SLC4A4: variants seen among roughly 807,000 people sequenced by gnomAD.
SLC4A4 encodes solute carrier family 4 member 4.
Under a neutral mutation model 111.5 loss-of-function variants are expected in SLC4A4, and 27 were observed. The observed-to-expected ratio is 0.24, with a 90% CI of 0.18 to 0.33. SLC4A4 has a LOEUF of 0.33. Among genes scored for constraint, SLC4A4 ranks in the 10% least tolerant of loss-of-function variants. The pLI is 1.00. For synonymous variants in SLC4A4, 443 were observed against 463.4 expected (o/e 0.96, Z 0.57); for missense variants, 909 against 1,315.5 (o/e 0.69, Z 4.78).
At chr4:71,476,539 A>T (rs552535915) in intron 14 of SLC4A4, among the ~76,000 whole-genome samples, 33 of 151,732 alleles carry the variant, frequency 2.2e-4, no homozygotes, top group Non-Finnish European at 4.4e-4. Flanking sequence ...AATAGGGGCC[A>T]CTAATTACTA....
intron 1 of SLC4A4, among the ~76,000 whole-genome samples, chr4:71,206,642 G>A (rs1239528043): frequency 2.0e-5 from 3 of 152,204 alleles, no homozygotes; most frequent in Admixed American, 6.5e-5. Flanking sequence ...CTTGACAAAT[G>A]TGTAAGAAGA....
chr4:71,439,287 G>C (rs994970003), intron 7 of SLC4A4, among the ~76,000 whole-genome samples: 8 of 150,980 alleles, frequency 5.3e-5, no homozygotes, highest in African/African-American at 1.5e-4. Context: ...AATTACCCAG[G>C]CATGGTGATG....
chr4:71,171,747 A>G (rs1036785917), intron 2 of SLC4A4, among the ~76,000 whole-genome samples: 4 of 152,172 alleles, frequency 2.6e-5, no homozygotes, highest in African/African-American at 9.7e-5. Context: ...AATCACCTCC[A>G]TCTACTTGAT....
At chr4:71,234,302 C>T (rs1188211580) in intron 1 of SLC4A4, among the ~76,000 whole-genome samples, 1 of 152,242 alleles carries the variant, frequency 6.6e-6, no homozygotes, top group Non-Finnish European at 1.5e-5. Flanking sequence ...TTCCCTCTCT[C>T]TGAAGAGTAT....
At chr4:71,463,451 GTTC>G (rs1727025148) in intron 12 of SLC4A4, among the ~76,000 whole-genome samples, 1 of 152,130 alleles carries the variant, frequency 6.6e-6, no homozygotes, top group Non-Finnish European at 1.5e-5. Context: ...ATGTCAAATA[GTTC>G]TTTTCTCAGA....
chr4:71,322,414 C>G (rs1437237745), intron 3 of SLC4A4, among the ~76,000 whole-genome samples: 1 of 151,950 alleles, frequency 6.6e-6, no homozygotes, highest in African/African-American at 2.4e-5. Context: ...CATCCAATGG[C>G]AGCATTAGTG....
Position 71,466,423 on chromosome 4 carries a change from T to A in SLC4A4, c.1498-21T>A, listed in dbSNP as rs757161999. ...GAAAAAAGATGTGTTTCATTTAACA[T>A]CTATATTTTCTTTATTTTAGGGCGT... On this transcript the variant is annotated intron_variant, in intron 12 of 25. Coordinates refer to ENST00000264485, the MANE Select transcript of SLC4A4 (RefSeq NM_001098484.3). 10 of 1,612,982 alleles carry A rather than the reference T, an allele frequency of 6.2e-6. No homozygotes were observed. In the Admixed American group the frequency reaches 1.7e-4, roughly 27 times the overall value.
chr4:71,079,160 C>T (rs574907263), intron 1 of SLC4A4, among the ~76,000 whole-genome samples: 8 of 152,218 alleles, frequency 5.3e-5, no homozygotes, highest in Non-Finnish European at 1.0e-4. Flanking sequence ...TAGTTATTCC[C>T]TGCTTTGGTG....
At chr4:71,535,670 G>T (rs1734349004) in intron 18 of SLC4A4, among the ~76,000 whole-genome samples, 3 of 152,066 alleles carry the variant, frequency 2.0e-5, no homozygotes. Context: ...ACAGAGCATG[G>T]TAGAGAAGAA....
intron 3 of SLC4A4, among the ~76,000 whole-genome samples, chr4:71,331,304 C>T (rs113774935): frequency 0.011 from 1,730 of 152,184 alleles, 33 homozygotes; most frequent in African/African-American, 0.04. Flanking sequence ...CGGCACTATT[C>T]GTAATAGCAA....
chr4:71,498,962 C>G (rs1578049095), intron 16 of SLC4A4, among the ~76,000 whole-genome samples: 1 of 152,248 alleles, frequency 6.6e-6, no homozygotes, highest in East Asian at 1.9e-4. Flanking sequence ...TTCATGCATT[C>G]AGATTAACTG....
At chr4:71,100,700 A>C (rs1292522982) in intron 2 of SLC4A4, among the ~76,000 whole-genome samples, 1 of 152,198 alleles carries the variant, frequency 6.6e-6, no homozygotes, top group Admixed American at 6.5e-5. Flanking sequence ...AGAAAACCCC[A>C]CAGTCTCACC....
chr4:71,481,612 C>A (rs758627627), intron 14 of SLC4A4, among the ~76,000 whole-genome samples: 6 of 151,722 alleles, frequency 4.0e-5, no homozygotes, highest in Non-Finnish European at 7.4e-5. Flanking sequence ...TATTGGAATG[C>A]TAAGCTTGTG....
intron 16 of SLC4A4, among the ~76,000 whole-genome samples, chr4:71,518,869 A>G (rs963680285): frequency 2.6e-5 from 4 of 152,076 alleles, no homozygotes; most frequent in African/African-American, 9.7e-5. Flanking sequence ...GGGGTTCTCT[A>G]CCAACTAGAG....
intron 2 of SLC4A4, among the ~76,000 whole-genome samples, chr4:71,158,459 G>A (rs1744535358): frequency 6.6e-6 from 1 of 152,024 alleles, no homozygotes. Context: ...GTTTCTCAAA[G>A]GCAAGCTATG....
In SLC4A4 at chr4:71,174,738, C is replaced by T. The variant is rs555888581; in HGVS notation, c.-1-61838C>T. On this transcript the variant is annotated intron_variant, in intron 2 of 26. Transcript: ENST00000649996. The stretch of plus-strand genomic sequence containing the variant: ...ATTGCTTTTATAATGAAAAAAGCAA[C>T]ACATTTTCTTTTATTTGTTTTTGAG... Among the ~76,000 whole-genome samples the T allele has an allele frequency of 4.6e-5, 7 of 152,214 alleles. No individual in the cohort carries two copies. The South Asian group carries it at 1.4e-3, about 32-fold the overall frequency.
chr4:71,110,796 TG>T (rs1394271539), intron 2 of SLC4A4, among the ~76,000 whole-genome samples: 1 of 152,184 alleles, frequency 6.6e-6, no homozygotes, highest in Non-Finnish European at 1.5e-5. Context: ...TGCTTTGTAA[TG>T]GGCTCTTCAG....
At chr4:71,378,191 A>C (rs1732598224) in intron 6 of SLC4A4, among the ~76,000 whole-genome samples, 1 of 152,162 alleles carries the variant, frequency 6.6e-6, no homozygotes, top group Admixed American at 6.5e-5. Context: ...TCCACATCTC[A>C]CTTTGAAGAA....
At chr4:71,275,483 G>T (rs1723003103) in intron 3 of SLC4A4, among the ~76,000 whole-genome samples, 1 of 152,134 alleles carries the variant, frequency 6.6e-6, no homozygotes, top group African/African-American at 2.4e-5. Context: ...GGTGACAGGG[G>T]GTGATGGTTA....
Sources: gnomAD v4.1 joint callset for allele counts (sites outside exome capture counted in the v4.1 genomes callset) on GRCh38, gnomAD v4.1.1 for gene constraint, MANE v1.5 for transcripts, NCBI Gene and HGNC (gene_info 2026-07-23, HGNC 2026-07-21) for gene names.